Variants in ABTB2 observed in about 807,000 individuals in gnomAD.
ABTB2 encodes the protein ankyrin repeat and BTB domain containing 2.
Under a neutral mutation model 104.1 loss-of-function variants are expected in ABTB2, and 56 were observed. The ratio of observed to expected loss-of-function variants is 0.54; its 90% CI spans 0.43 to 0.67. ABTB2 has a LOEUF of 0.67. ABTB2 is among the 30% of genes least tolerant of loss of function. The pLI is 0.00. For synonymous variants in ABTB2, 606 were observed against 608.2 expected (o/e 1.00, Z 0.05); for missense variants, 1,279 against 1,407.7 (o/e 0.91, Z 1.46).
intron 1 of ABTB2, among the ~76,000 whole-genome samples, chr11:34,266,418 T>C (rs753863913): frequency 6.6e-6 from 1 of 152,236 alleles, no homozygotes; most frequent in African/African-American, 2.4e-5. Flanking sequence ...GTCACATCCC[T>C]GGCCTGGGCC....
At position 34,236,461 on chromosome 11, in the gene ABTB2, G is replaced by C. The variant is rs566642908; in HGVS notation, c.884-31771C>G. On this transcript the variant is annotated intron_variant, in intron 1 of 16. Coordinates refer to ENST00000435224, the MANE Select transcript of ABTB2 (RefSeq NM_145804.3). ...TGGGTCACTCGACAGGTTTCAGAGA[G>C]GTTATTTCTAGGGCTGGAGAAGGAC... 1.1e-4 allele frequency among the ~76,000 whole-genome samples: 17 copies of C among 152,216 alleles called. 2 individuals carry two copies. The South Asian group carries it at 3.5e-3, about 32-fold the overall frequency.
intron 1 of ABTB2, among the ~76,000 whole-genome samples, chr11:34,272,004 C>T (rs1034958743): frequency 6.6e-6 from 1 of 152,062 alleles, no homozygotes; most frequent in Non-Finnish European, 1.5e-5. Context: ...ATACCAGGTG[C>T]TTTTTCTGAT....
chr11:34,241,794 G>C (rs910172527), intron 1 of ABTB2, among the ~76,000 whole-genome samples: 3 of 152,160 alleles, frequency 2.0e-5, no homozygotes, highest in Non-Finnish European at 4.4e-5. Context: ...TGTAAAATTG[G>C]TTACCTTTTC....
At chr11:34,309,394 G>A (rs1190779219) in intron 1 of ABTB2, among the ~76,000 whole-genome samples, 1 of 152,172 alleles carries the variant, frequency 6.6e-6, no homozygotes, top group East Asian at 1.9e-4. Flanking sequence ...ACTTCCAGAA[G>A]GACTCCTATT....
At chr11:34,175,273 G>C (rs1168237062) in intron 3 of ABTB2, among the ~76,000 whole-genome samples, 1 of 152,166 alleles carries the variant, frequency 6.6e-6, no homozygotes, top group Non-Finnish European at 1.5e-5. Flanking sequence ...TTAGGATGGG[G>C]TTACATACCA....
At chr11:34,163,580 C>T (rs942305897) in intron 9 of ABTB2, among the ~76,000 whole-genome samples, 1 of 152,182 alleles carries the variant, frequency 6.6e-6, no homozygotes, top group East Asian at 1.9e-4. Context: ...GGGATGGATG[C>T]AGCATGGGTG....
At chr11:34,309,166 A>G (rs935567827) in intron 1 of ABTB2, among the ~76,000 whole-genome samples, 7 of 152,340 alleles carry the variant, frequency 4.6e-5, no homozygotes, top group African/African-American at 1.7e-4. Context: ...ATGTGTTCAC[A>G]TGGACGTGTG....
At position 34,152,366 on chromosome 11, in the gene ABTB2, C is replaced by A. The variant is rs376690299; in HGVS notation, c.*21G>T. On this transcript the variant is annotated 3_prime_UTR_variant, in exon 17 of 17. Transcript: ENST00000435224. ...CTGGCACCTCCACAGGCCCTGGCCT[C>A]GGCAGCCTCCGCCCCCTGCCTCACA... 2 of 1,546,318 alleles carry A rather than the reference C, an allele frequency of 1.3e-6. No homozygotes were observed. The highest frequency in any genetic ancestry group is 1.2e-5 in the South Asian group (1 of 83,888).
intron 1 of ABTB2, chr11:34,335,924 T>C (rs952651026): frequency 1.5e-6 from 1 of 682,786 alleles, no homozygotes. Flanking sequence ...GGCTTTGGGA[T>C]TGCCAACGTT....
chr11:34,242,090 A>G (rs752310031), intron 1 of ABTB2, among the ~76,000 whole-genome samples: 11 of 152,234 alleles, frequency 7.2e-5, no homozygotes, highest in Non-Finnish European at 1.6e-4. Context: ...CAACTGTGCT[A>G]TGGAGTTCCC....
Position 34,152,646 on chromosome 11 carries a change from C to T in ABTB2, c.2881-62G>A, listed in dbSNP as rs374923576. On this transcript the variant is annotated intron_variant, in intron 16 of 16. Transcript: ENST00000435224. The stretch of plus-strand genomic sequence containing the variant: ...CTTAGTACAGCCCCACTCACCCTCA[C>T]CCCCAAATACTACCTACCCATGGCC... The T allele has an allele frequency of 4.1e-6, 6 of 1,472,024 alleles. No homozygotes were observed. The Admixed American group carries it at 5.8e-5, about 14-fold the overall frequency. 91.2% of individuals were successfully genotyped at this position (1,472,024 alleles called of 1,614,324 possible).
intron 5 of ABTB2, among the ~76,000 whole-genome samples, chr11:34,170,702 C>CA (rs1852861059): frequency 6.6e-6 from 1 of 152,222 alleles, no homozygotes; most frequent in South Asian, 2.1e-4. Flanking sequence ...AGCCACATGA[C>CA]AAAGTTCTTC....
Position 34,356,644 on chromosome 11 carries a change from G to A in ABTB2, c.883+57C>T. On this transcript the variant is annotated intron_variant, in intron 1 of 16. Coordinates refer to ENST00000435224, the MANE Select transcript of ABTB2 (RefSeq NM_145804.3). This position sits in a 1 kb window ranked among gnomAD's most constrained non-coding sequence, Gnocchi z 4.6. ...TCTCAGGAAATTCACTCCCCCAGTAGCCCAGGGCGGGATTTCTTGCCTACC... is the reference window on the plus strand; with the variant it reads ...TCTCAGGAAATTCACTCCCCCAGTAACCCAGGGCGGGATTTCTTGCCTACC... 6.7e-7 allele frequency: 1 copy of A among 1,482,828 alleles called. No individual in the cohort carries two copies. Among genetic ancestry groups the A allele is most frequent in the Non-Finnish European group, 9.0e-7 (1 of 1,108,764 alleles). The allele number at this position is 1,482,828 out of a possible 1,614,324, so 91.9% of individuals were successfully genotyped here.
chr11:34,340,078 GAAA>G (rs1855244702), intron 1 of ABTB2, among the ~76,000 whole-genome samples: 1 of 131,284 alleles, frequency 7.6e-6, no homozygotes, highest in Admixed American at 7.6e-5. Context: ...AACAAAAAAA[GAAA>G]AAAGGACAGG....
At chr11:34,159,203 G>T in intron 14 of ABTB2, 93 bp downstream of exon 14, 1 of 919,976 alleles carries the variant, frequency 1.1e-6, no homozygotes, top group South Asian at 1.4e-5. Context: ...GGAATAGAGT[G>T]AACAATGACA....
At chr11:34,263,982 C>T (rs556666272) in intron 1 of ABTB2, among the ~76,000 whole-genome samples, 204 of 152,282 alleles carry the variant, frequency 1.3e-3, no homozygotes, top group African/African-American at 4.6e-3. Flanking sequence ...AACATGCTGA[C>T]GTCTTTATGG....
chr11:34,181,260 AC>A (rs35688535), intron 3 of ABTB2, among the ~76,000 whole-genome samples: 11 of 62,626 alleles, frequency 1.8e-4, no homozygotes, highest in African/African-American at 5.3e-4. Flanking sequence ...AAACAAACAA[AC>A]AAAAAAAACA....
intron 1 of ABTB2, among the ~76,000 whole-genome samples, chr11:34,272,041 G>T (rs1854320385): frequency 6.6e-6 from 1 of 152,036 alleles, no homozygotes; most frequent in Admixed American, 6.5e-5. Flanking sequence ...ATCTAGGTGG[G>T]TACTACCCAG....
At chr11:34,249,532 C>A (rs1411889537) in intron 1 of ABTB2, among the ~76,000 whole-genome samples, 5 of 148,354 alleles carry the variant, frequency 3.4e-5, no homozygotes, top group African/African-American at 1.2e-4. Flanking sequence ...AGAGGGCAGG[C>A]CTCCTGGCAG....
Sources: gnomAD v4.1 joint callset for allele counts (sites outside exome capture counted in the v4.1 genomes callset) on GRCh38, gnomAD v4.1.1 for gene constraint, Gnocchi (gnomAD v3.1) non-coding constraint, MANE v1.5 for transcripts, NCBI Gene and HGNC (gene_info 2026-07-23, HGNC 2026-07-21) for gene names.